The following CDKL3 variants were observed in gnomAD, a reference collection of about 807,000 sequenced individuals.
CDKL3 encodes cyclin-dependent kinase-like 3.
A neutral mutation model predicts 69.3 loss-of-function variants in CDKL3; 65 were observed. The observed-to-expected ratio is 0.94, with a 90% CI of 0.77 to 1.15. The LOEUF is 1.15. Ranked by LOEUF, CDKL3 falls within the 50% of genes most tolerant of loss-of-function variation. CDKL3 has a pLI of 0.00. For missense variants in CDKL3, 652 were observed against 689.2 expected, an observed-to-expected ratio of 0.95 and a Z score of 0.61; for synonymous variants, 202 against 221.6, an observed-to-expected ratio of 0.91 and a Z score of 0.79.
At chr5:134,308,006 C>T in intron 9 of CDKL3, 132 bp downstream of exon 9, 1 of 1,377,854 alleles carries the variant, frequency 7.3e-7, no homozygotes, top group Non-Finnish European at 9.5e-7. Flanking sequence ...GTAAATGGCC[C>T]ATTATACAGC....
chr5:134,350,024 C>T (rs1752873070), intron 4 of CDKL3, among the ~76,000 whole-genome samples: 1 of 152,024 alleles, frequency 6.6e-6, no homozygotes, highest in Non-Finnish European at 1.5e-5. Flanking sequence ...CCCGTCTCTA[C>T]TAAAAATACA....
rs149534755 is a variant in CDKL3 at position 134,350,027 on chromosome 5, A to C, written c.539+222T>G. On this transcript the variant is annotated intron_variant, in intron 4 of 12. Coordinates refer to ENST00000265334, the MANE Select transcript of CDKL3 (RefSeq NM_001113575.2). Reference sequence around the variant, plus strand: ...ATATTGTGAAACCCCGTCTCTACTAAAAATACAAAAATTAGCCAGGAGTGG... The same window carrying C: ...ATATTGTGAAACCCCGTCTCTACTACAAATACAAAAATTAGCCAGGAGTGG... 2.1e-3 allele frequency among the ~76,000 whole-genome samples: 323 copies of C among 152,230 alleles called. 2 individuals are homozygous for C. Among genetic ancestry groups the C allele is most frequent in the African/African-American group, 6.5e-3 (270 of 41,526 alleles).
chr5:134,296,952 CTTTTT>C (rs111349325), downstream of CDKL3, among the ~76,000 whole-genome samples: 1 of 131,302 alleles, frequency 7.6e-6, no homozygotes, highest in Non-Finnish European at 1.6e-5. Flanking sequence ...CTTTTCTTTT[CTTTTT>C]TTTTTTTTTT....
chr5:134,358,238 CTGACT>C (rs1449002986), intron 3 of CDKL3, among the ~76,000 whole-genome samples: 1 of 152,158 alleles, frequency 6.6e-6, no homozygotes, highest in Non-Finnish European at 1.5e-5. Flanking sequence ...TCCCTGTAAC[CTGACT>C]TAACAGCACT....
intron 4 of CDKL3, among the ~76,000 whole-genome samples, chr5:134,328,381 G>T (rs781293025): frequency 1.3e-5 from 2 of 152,076 alleles, no homozygotes; most frequent in African/African-American, 2.4e-5. Flanking sequence ...GAGTTGAAAA[G>T]TACAATAACT....
intron 5 of CDKL3, among the ~76,000 whole-genome samples, chr5:134,319,700 A>G (rs552281073): frequency 6.6e-6 from 1 of 152,354 alleles, no homozygotes; most frequent in South Asian, 2.1e-4. Context: ...ATCTGCTGAT[A>G]GCCCACAGGC....
At chr5:134,368,919 A>T (rs768394406), upstream of CDKL3, among the ~76,000 whole-genome samples, 82 of 152,144 alleles carry the variant, frequency 5.4e-4, no homozygotes, top group Admixed American at 9.8e-4. Flanking sequence ...GGTCCCAGCT[A>T]CTTGGGCGTC....
chr5:134,322,075 A>T (rs1772940858), intron 4 of CDKL3, among the ~76,000 whole-genome samples, 172 bp from the exon 5 acceptor site: 1 of 152,142 alleles, frequency 6.6e-6, no homozygotes, highest in African/African-American at 2.4e-5. Flanking sequence ...GCTGGAGTGC[A>T]AGTGCTGCAA....
chr5:134,370,893 T>G (rs1189209258), upstream of CDKL3: 1 of 152,596 alleles, frequency 6.6e-6, no homozygotes, highest in Non-Finnish European at 1.5e-5. Context: ...AGCTGTTGAT[T>G]CTGCCATGAC....
In CDKL3 at chr5:134,366,988, C is replaced by A; in HGVS notation, c.-33G>T. The A allele has an allele frequency of 1.0e-6, 1 of 989,760 alleles. No homozygotes were observed. The highest frequency in any genetic ancestry group is 1.2e-6 in the Non-Finnish European group (1 of 832,820). The allele number at this position is 989,760 out of a possible 1,614,324, so 61.3% of individuals were successfully genotyped here. A position where few individuals can be genotyped will look rare whatever the true frequency, so the allele number is the denominator to read the frequency against. ...TTAGGATGCCGGACCGGCGTCACGCCCCACGTCCCGCTGTTGACTTTATCC... is the reference window on the plus strand; with the variant it reads ...TTAGGATGCCGGACCGGCGTCACGCACCACGTCCCGCTGTTGACTTTATCC... On this transcript the variant is annotated 5_prime_UTR_variant, in exon 1 of 13. Coordinates refer to ENST00000265334, the MANE Select transcript of CDKL3 (RefSeq NM_001113575.2).
intron 11 of CDKL3, among the ~76,000 whole-genome samples, chr5:134,303,399 C>G (rs1299108089): frequency 1.3e-5 from 2 of 151,956 alleles, no homozygotes; most frequent in African/African-American, 2.4e-5. Flanking sequence ...ATATTTAATC[C>G]TTGGATGCTC....
chr5:134,312,499 A>G (rs1769832988), intron 6 of CDKL3, 119 bp from the exon 7 acceptor site: 1 of 599,402 alleles, frequency 1.7e-6, no homozygotes, highest in African/African-American at 2.0e-5. Flanking sequence ...GCCTTCTTGA[A>G]AAGATGGAAT....
chr5:134,285,397 C>G (rs1764820687), downstream of CDKL3, among the ~76,000 whole-genome samples: 1 of 152,232 alleles, frequency 6.6e-6, no homozygotes, highest in African/African-American at 2.4e-5. Flanking sequence ...CTCACAGGCT[C>G]AACACTACAG....
chr5:134,289,430 T>C (rs1229920864), intron 8 of CDKL3, among the ~76,000 whole-genome samples: 1 of 152,186 alleles, frequency 6.6e-6, no homozygotes, highest in Admixed American at 6.5e-5. Flanking sequence ...CTGTTCAATG[T>C]AATAATGAGT....
At chr5:134,309,287 G>A (rs1212680418) in intron 7 of CDKL3, among the ~76,000 whole-genome samples, 3 of 152,046 alleles carry the variant, frequency 2.0e-5, no homozygotes, top group African/African-American at 4.8e-5. Flanking sequence ...TCTCCATGTT[G>A]GTCAGGCTGG....
At chr5:134,309,864 C>A (rs1768928941) in intron 7 of CDKL3, among the ~76,000 whole-genome samples, 1 of 152,198 alleles carries the variant, frequency 6.6e-6, no homozygotes, top group South Asian at 2.1e-4. Context: ...CACGGTCTCT[C>A]TCTGTTGCCC....
At chr5:134,289,291 A>G (rs956711635) in intron 8 of CDKL3, among the ~76,000 whole-genome samples, 1 of 152,166 alleles carries the variant, frequency 6.6e-6, no homozygotes, top group Non-Finnish European at 1.5e-5. Flanking sequence ...GAAATTAAAG[A>G]AACCAATTTT....
intron 12 of CDKL3, among the ~76,000 whole-genome samples, chr5:134,301,430 C>T (rs1766290757): frequency 6.6e-6 from 1 of 152,094 alleles, no homozygotes; most frequent in South Asian, 2.1e-4. Flanking sequence ...GTCTGATAAC[C>T]CTCTATCCAA....
At chr5:134,326,066 C>T (rs1013820221) in intron 4 of CDKL3, among the ~76,000 whole-genome samples, 3 of 151,950 alleles carry the variant, frequency 2.0e-5, no homozygotes, top group Admixed American at 2.0e-4. Context: ...AGCCACTGCA[C>T]CATGCCAAAG....
Sources: allele counts gnomAD v4.1 joint callset (sites outside exome capture counted in the v4.1 genomes callset), GRCh38; gene constraint gnomAD v4.1.1; transcripts MANE v1.5; gene names NCBI Gene and HGNC (gene_info 2026-07-23, HGNC 2026-07-21).